Variants in SPIDR observed in about 807,000 individuals in gnomAD.
SPIDR encodes DNA repair-scaffolding protein.
A neutral mutation model predicts 104.6 loss-of-function variants in SPIDR; 93 were observed. The observed-to-expected ratio is 0.89, with a 90% CI of 0.75 to 1.06. The LOEUF is 1.06. Ranked by LOEUF, SPIDR falls within the 50% of genes least tolerant of loss-of-function variation. SPIDR has a pLI of 0.00. For missense variants in SPIDR, 1,154 were observed against 1,111.2 expected, an observed-to-expected ratio of 1.04 and a Z score of -0.55; for synonymous variants, 431 against 416.9, an observed-to-expected ratio of 1.03 and a Z score of -0.41.
In SPIDR at chr8:47,440,552, C is replaced by A; in HGVS notation, c.1097+10C>A. On this transcript the variant is annotated intron_variant, in intron 8 of 19. Coordinates refer to ENST00000297423, the MANE Select transcript of SPIDR (RefSeq NM_001080394.4). ...GGATCTTCCCTCCCTGGTGAGTGCGCAGAACTTAATCCAGCAGTCACCAAC... is the reference window on the plus strand; with the variant it reads ...GGATCTTCCCTCCCTGGTGAGTGCGAAGAACTTAATCCAGCAGTCACCAAC... 1 of 1,607,038 alleles carries A rather than the reference C, an allele frequency of 6.2e-7. No individual in the cohort carries two copies. The highest frequency in any genetic ancestry group is 8.5e-7 in the Non-Finnish European group (1 of 1,175,102).
intron 8 of SPIDR, among the ~76,000 whole-genome samples, chr8:47,590,307 C>G (rs2060849713): frequency 6.6e-6 from 1 of 151,600 alleles, no homozygotes; most frequent in Admixed American, 6.6e-5. Flanking sequence ...GCTTTAAGTT[C>G]TGTAAAATTT....
intron 4 of SPIDR, 133 bp downstream of exon 4, chr8:47,291,270 G>A (rs2039852708): frequency 7.4e-6 from 4 of 539,756 alleles, no homozygotes; most frequent in Middle Eastern, 3.9e-4. Context: ...TTTAATATTG[G>A]AAGAAACTTA....
At chr8:47,533,794 A>C (rs1250445276) in intron 8 of SPIDR, among the ~76,000 whole-genome samples, 3 of 152,258 alleles carry the variant, frequency 2.0e-5, no homozygotes, top group Non-Finnish European at 4.4e-5. Flanking sequence ...TGCAGAGAAA[A>C]GGGAACCCTA....
At chr8:47,410,627 G>C (rs2063379586) in intron 7 of SPIDR, among the ~76,000 whole-genome samples, 1 of 151,748 alleles carries the variant, frequency 6.6e-6, no homozygotes, top group South Asian at 2.1e-4. Context: ...CAAACATAAA[G>C]TTTGCCTGGT....
chr8:47,549,848 T>C (rs2090151245), intron 8 of SPIDR, among the ~76,000 whole-genome samples: 1 of 152,234 alleles, frequency 6.6e-6, no homozygotes, highest in South Asian at 2.1e-4. Flanking sequence ...CCCATGCCTA[T>C]GTCCTGAATG....
chr8:47,488,991 G>T (rs1345376651), intron 8 of SPIDR, among the ~76,000 whole-genome samples: 1 of 152,196 alleles, frequency 6.6e-6, no homozygotes, highest in Non-Finnish European at 1.5e-5. Flanking sequence ...AGTGTTGGAA[G>T]TTCTGGCCAG....
At chr8:47,308,146 CT>C (rs2043434663) in intron 5 of SPIDR, among the ~76,000 whole-genome samples, 1 of 151,740 alleles carries the variant, frequency 6.6e-6, no homozygotes, top group Non-Finnish European at 1.5e-5. Context: ...ACTGCAACCT[CT>C]ACCTCCTGGG....
At chr8:47,455,043 AAAAT>A in intron 8 of SPIDR, among the ~76,000 whole-genome samples, 1 of 152,314 alleles carries the variant, frequency 6.6e-6, no homozygotes, top group East Asian at 1.9e-4. Context: ...CCAAAAGAAA[AAAAT>A]AAAGAGTATT....
intron 8 of SPIDR, among the ~76,000 whole-genome samples, chr8:47,510,065 T>C (rs1390320687): frequency 6.6e-6 from 1 of 152,248 alleles, no homozygotes; most frequent in Non-Finnish European, 1.5e-5. Context: ...GCAATTTTTT[T>C]TGTTTGGATG....
In SPIDR at chr8:47,472,656, G is replaced by GTTTA. The variant is rs149513015; in HGVS notation, c.1097+32119_1097+32122dup. The stretch of plus-strand genomic sequence containing the variant: ...CTGTACTTTTTCTATCTAGAGCACA[G>GTTTA]TTTATTTACTTCAGAGAAGCTAGAC... On this transcript the variant is annotated intron_variant, in intron 8 of 19. Coordinates refer to ENST00000297423, the MANE Select transcript of SPIDR (RefSeq NM_001080394.4). Among the ~76,000 whole-genome samples the GTTTA allele has an allele frequency of 2.8e-3, 431 of 152,334 alleles. 1 individual carries two copies. Among genetic ancestry groups the GTTTA allele is most frequent in the Non-Finnish European group, 4.5e-3 (307 of 68,032 alleles).
At chr8:47,556,979 A>G (rs1031866021) in intron 8 of SPIDR, among the ~76,000 whole-genome samples, 2 of 152,150 alleles carry the variant, frequency 1.3e-5, no homozygotes, top group Admixed American at 1.3e-4. Context: ...CAAAGGACAC[A>G]CCCTTAAGTA....
intron 8 of SPIDR, among the ~76,000 whole-genome samples, chr8:47,519,327 T>G (rs1237641105): frequency 6.6e-6 from 1 of 152,162 alleles, no homozygotes; most frequent in Non-Finnish European, 1.5e-5. Flanking sequence ...GTCTTTTTAG[T>G]AGAGGCGGGG....
chr8:47,464,722 C>T lies in SPIDR; in HGVS notation c.1097+24180C>T, dbSNP rs115857644. On this transcript the variant is annotated intron_variant, in intron 8 of 19. Coordinates refer to ENST00000297423, the MANE Select transcript of SPIDR (RefSeq NM_001080394.4). ...CCTCCCCTCCTGTCCCATCCCATCC[C>T]GTCCTTGCCTCGCCTCACCTTGCCT... 2.2e-3 allele frequency among the ~76,000 whole-genome samples: 340 copies of T among 152,086 alleles called. 1 individual carries two copies. Among genetic ancestry groups the T allele is most frequent in the African/African-American group, 7.9e-3 (327 of 41,496 alleles).
intron 8 of SPIDR, among the ~76,000 whole-genome samples, chr8:47,454,613 A>G (rs2072594656): frequency 6.6e-6 from 1 of 152,168 alleles, no homozygotes; most frequent in South Asian, 2.1e-4. Context: ...GTATACATGT[A>G]CCCTAGAACT....
At chr8:47,705,345 T>C (rs1278176040) in intron 14 of SPIDR, among the ~76,000 whole-genome samples, 1 of 152,178 alleles carries the variant, frequency 6.6e-6, no homozygotes. Flanking sequence ...CATGTGTGCC[T>C]AGGAATCAGT....
chr8:47,592,276 C>CCA, intron 8 of SPIDR: 1 of 1,184,890 alleles, frequency 8.4e-7, no homozygotes, highest in Non-Finnish European at 1.3e-6. Context: ...ATAACAAGGC[C>CCA]TGGGTTGATA....
chr8:47,697,283 TAAA>T (rs397971781), intron 11 of SPIDR, among the ~76,000 whole-genome samples: 1 of 141,962 alleles, frequency 7.0e-6, no homozygotes, highest in African/African-American at 2.6e-5. Context: ...GAGACCCTGT[TAAA>T]AAAAAAAAAG....
intron 8 of SPIDR, among the ~76,000 whole-genome samples, chr8:47,567,641 G>T (rs1350338031): frequency 6.6e-6 from 1 of 152,110 alleles, no homozygotes; most frequent in East Asian, 1.9e-4. Context: ...GAGAAGTGAG[G>T]TTAGTATGGT....
chr8:47,639,594 C>T (rs1014407761), intron 10 of SPIDR, among the ~76,000 whole-genome samples: 9 of 152,242 alleles, frequency 5.9e-5, no homozygotes, highest in Admixed American at 2.6e-4. Flanking sequence ...TCTTCATATT[C>T]GACTACATAT....
Sources: gnomAD v4.1 joint callset for allele counts (sites outside exome capture counted in the v4.1 genomes callset) on GRCh38, gnomAD v4.1.1 for gene constraint, MANE v1.5 for transcripts, NCBI Gene and HGNC (gene_info 2026-07-23, HGNC 2026-07-21) for gene names.